The following NLK variants were observed in gnomAD, a reference collection of about 807,000 sequenced individuals.
The protein encoded by NLK is nemo like kinase, also known as serine/threonine-protein kinase NLK.
A neutral mutation model predicts 59.0 loss-of-function variants in NLK; 11 were observed. The ratio of observed to expected loss-of-function variants is 0.19; its 90% CI spans 0.12 to 0.31. NLK has a LOEUF of 0.31. NLK is among the 10% of genes least tolerant of loss of function. NLK has a pLI of 1.00. For synonymous variants in NLK, 235 were observed against 235.9 expected, an observed-to-expected ratio of 1.00 and a Z score of 0.03; for missense variants, 410 against 661.1, an observed-to-expected ratio of 0.62 and a Z score of 4.16.
chr17:28,200,929 A>C (rs1009957393), downstream of NLK, among the ~76,000 whole-genome samples: 1 of 152,230 alleles, frequency 6.6e-6, no homozygotes, highest in Non-Finnish European at 1.5e-5. Flanking sequence ...CTCTTTCCAC[A>C]AGAGGTCTGA....
intron 6 of NLK, among the ~76,000 whole-genome samples, chr17:28,171,001 G>A (rs1451262070): frequency 6.6e-6 from 1 of 152,148 alleles, no homozygotes; most frequent in Non-Finnish European, 1.5e-5. Flanking sequence ...CTGTATCTTT[G>A]AGATTTAATT....
At chr17:28,161,294 GC>G in intron 4 of NLK, 28 bp downstream of exon 4, 1 of 1,174,986 alleles carries the variant, frequency 8.5e-7, no homozygotes, top group Non-Finnish European at 1.3e-6. Flanking sequence ...AGAAAAAGGT[GC>G]TGTCACACTG....
At chr17:28,172,832 G>T (rs1044265293) in intron 7 of NLK, among the ~76,000 whole-genome samples, 1 of 152,100 alleles carries the variant, frequency 6.6e-6, no homozygotes, top group Non-Finnish European at 1.5e-5. Context: ...TGTTTGTGTA[G>T]CTCCTTTGCT....
chr17:28,092,160 G>A (rs371094843), intron 1 of NLK, among the ~76,000 whole-genome samples: 1 of 151,542 alleles, frequency 6.6e-6, no homozygotes, highest in East Asian at 2.0e-4. Context: ...AAGTAAAATA[G>A]CCTTCTGTCA....
intron 1 of NLK, among the ~76,000 whole-genome samples, chr17:28,056,947 CTTTT>C (rs934652705): frequency 4.6e-5 from 4 of 86,902 alleles, no homozygotes; most frequent in South Asian, 7.4e-4. Flanking sequence ...CATTACCTAC[CTTTT>C]TTTTTTTTTT....
At chr17:28,056,592 G>A (rs1909453146) in intron 1 of NLK, among the ~76,000 whole-genome samples, 2 of 152,328 alleles carry the variant, frequency 1.3e-5, no homozygotes, top group South Asian at 4.1e-4. Context: ...GTTATTTTGT[G>A]TGGGCCAGTG....
chr17:28,129,523 T>C (rs1263598230), intron 2 of NLK, among the ~76,000 whole-genome samples: 3 of 152,150 alleles, frequency 2.0e-5, no homozygotes, highest in Non-Finnish European at 4.4e-5. Flanking sequence ...AATATGTGTG[T>C]ATATAAAAAT....
chr17:28,098,025 A>G (rs12940286), intron 1 of NLK, among the ~76,000 whole-genome samples: 2 of 152,158 alleles, frequency 1.3e-5, no homozygotes, highest in Non-Finnish European at 2.9e-5. Flanking sequence ...TCGACTGGTT[A>G]TTAATAGATT....
intron 7 of NLK, among the ~76,000 whole-genome samples, chr17:28,180,798 A>G (rs745997922): frequency 6.6e-6 from 1 of 152,180 alleles, no homozygotes; most frequent in Non-Finnish European, 1.5e-5. Context: ...ATTTTTCAGG[A>G]ATATCAAATT....
chr17:28,126,745 A>G (rs555560905), intron 2 of NLK, among the ~76,000 whole-genome samples: 1 of 152,186 alleles, frequency 6.6e-6, no homozygotes, highest in Non-Finnish European at 1.5e-5. Flanking sequence ...ATTCACCTTG[A>G]TGAAGTAACT....
At chr17:28,199,779 A>G (rs1026805056), downstream of NLK, among the ~76,000 whole-genome samples, 3 of 152,082 alleles carry the variant, frequency 2.0e-5, no homozygotes, top group Non-Finnish European at 4.4e-5. Context: ...TTTGTGTTCA[A>G]TATCTCTGTG....
intron 3 of NLK, among the ~76,000 whole-genome samples, chr17:28,144,357 C>G (rs1907145953): frequency 6.8e-6 from 1 of 146,190 alleles, no homozygotes. Context: ...ACAACTTATT[C>G]ACGCTAGCTC....
At chr17:28,109,999 G>A (rs1026047177) in intron 1 of NLK, among the ~76,000 whole-genome samples, 4 of 152,204 alleles carry the variant, frequency 2.6e-5, no homozygotes, top group Non-Finnish European at 5.9e-5. Flanking sequence ...AAGTCACTAA[G>A]AGGAGAATTG....
intron 2 of NLK, among the ~76,000 whole-genome samples, chr17:28,127,632 A>G (rs568376995): frequency 2.0e-5 from 3 of 152,310 alleles, no homozygotes; most frequent in East Asian, 3.9e-4. Context: ...GGAAGACTCA[A>G]TGTGATTGAT....
At chr17:28,202,931 C>T in the NLK span, among the ~76,000 whole-genome samples, 1 of 151,676 alleles carries the variant, frequency 6.6e-6, no homozygotes, top group Non-Finnish European at 1.5e-5. Flanking sequence ...ATCTGCCCAC[C>T]TCAGCCTCCC....
chr17:28,189,330 C>A (rs1456414866), intron 8 of NLK, among the ~76,000 whole-genome samples: 3 of 152,160 alleles, frequency 2.0e-5, no homozygotes, highest in Admixed American at 6.5e-5. Flanking sequence ...TTTGCCTATT[C>A]TGTGCTCTTT....
chr17:28,055,117 G>A (rs1909395721), intron 1 of NLK, among the ~76,000 whole-genome samples: 1 of 144,042 alleles, frequency 6.9e-6, no homozygotes, highest in South Asian at 2.2e-4. Flanking sequence ...TTTTTGAGAC[G>A]GATTCTCGCT....
At chr17:28,160,326 T>C (rs980473105) in intron 3 of NLK, among the ~76,000 whole-genome samples, 19 of 152,234 alleles carry the variant, frequency 1.2e-4, no homozygotes, top group African/African-American at 4.6e-4. Flanking sequence ...TCCTCCCTGT[T>C]CCCAAGTTAT....
At chr17:28,118,037 A>G (rs1390104555) in intron 1 of NLK, among the ~76,000 whole-genome samples, 1 of 152,204 alleles carries the variant, frequency 6.6e-6, no homozygotes, top group Non-Finnish European at 1.5e-5. Flanking sequence ...CCTTGAATAT[A>G]TAACAAGGAC....
Sources: allele counts gnomAD v4.1 joint callset (sites outside exome capture counted in the v4.1 genomes callset), GRCh38; gene constraint gnomAD v4.1.1; transcripts MANE v1.5; gene names NCBI Gene and HGNC (gene_info 2026-07-23, HGNC 2026-07-21).